The following ADGRL2 variants were observed in gnomAD, a reference collection of about 807,000 sequenced individuals.
ADGRL2 encodes calcium-independent alpha-latrotoxin receptor 2.
ADGRL2 carries 44 observed loss-of-function variants against 157.4 expected under a neutral mutation model. The observed-to-expected ratio is 0.28, with a 90% confidence interval of 0.22 to 0.36. The LOEUF (loss-of-function observed/expected upper bound fraction) is 0.36, where lower values mean the gene tolerates loss of function less well. Ranked by LOEUF, ADGRL2 falls within the 10% of genes least tolerant of loss-of-function variation. The pLI is 1.00. For missense variants in ADGRL2, 1,510 were observed against 1,768.9 expected, an observed-to-expected ratio of 0.85 and a Z score of 2.63; for synonymous variants, 585 against 624.7, an observed-to-expected ratio of 0.94 and a Z score of 0.95.
At chr1:81,594,390 A>G (rs2081191596) in intron 3 of ADGRL2, among the ~76,000 whole-genome samples, 1 of 152,246 alleles carries the variant, frequency 6.6e-6, no homozygotes, top group Non-Finnish European at 1.5e-5. Flanking sequence ...TTCATCAAAC[A>G]TTAACTAAGA....
At chr1:81,856,520 G>T (rs1313191586) in intron 2 of ADGRL2, among the ~76,000 whole-genome samples, 1 of 152,072 alleles carries the variant, frequency 6.6e-6, no homozygotes, top group Non-Finnish European at 1.5e-5. Context: ...CTGTCAGGCT[G>T]GCTTTGCCCC....
chr1:81,407,623 C>T (rs970743043), intron 1 of ADGRL2, among the ~76,000 whole-genome samples: 13 of 152,188 alleles, frequency 8.5e-5, no homozygotes, highest in Non-Finnish European at 1.9e-4. Flanking sequence ...CAATTGTAAA[C>T]ATAGGAGAGA....
intron 3 of ADGRL2, among the ~76,000 whole-genome samples, chr1:81,920,584 G>A (rs1166875768): frequency 6.6e-6 from 1 of 152,098 alleles, no homozygotes; most frequent in African/African-American, 2.4e-5. Context: ...CTTCATCTTT[G>A]CTTCATTTCA....
intron 1 of ADGRL2, among the ~76,000 whole-genome samples, chr1:81,362,484 T>C (rs186326546): frequency 3.7e-4 from 56 of 152,048 alleles, no homozygotes; most frequent in African/African-American, 1.3e-3. Flanking sequence ...CCTTCTATCA[T>C]TATGCTAATT....
chr1:81,530,908 C>G (rs570176459), intron 2 of ADGRL2, among the ~76,000 whole-genome samples: 39 of 151,948 alleles, frequency 2.6e-4, no homozygotes, highest in African/African-American at 9.4e-4. Context: ...TATGGTGAAA[C>G]TCCATCTCTA....
chr1:81,890,408 T>C (rs2094230014), intron 2 of ADGRL2, among the ~76,000 whole-genome samples: 1 of 152,192 alleles, frequency 6.6e-6, no homozygotes, highest in Non-Finnish European at 1.5e-5. Context: ...TTGTTTCTTT[T>C]ATAGAAAATT....
chr1:81,673,027 C>G (rs2082907296), intron 3 of ADGRL2, among the ~76,000 whole-genome samples: 1 of 152,138 alleles, frequency 6.6e-6, no homozygotes, highest in African/African-American at 2.4e-5. Context: ...TGGATTGAAA[C>G]CTTTAGGAAG....
chr1:81,733,371 G>A (rs2084789325), intron 1 of ADGRL2, among the ~76,000 whole-genome samples: 1 of 152,254 alleles, frequency 6.6e-6, no homozygotes, highest in Non-Finnish European at 1.5e-5. Context: ...CTAGAAGTCT[G>A]AGACCAAGGT....
intron 2 of ADGRL2, among the ~76,000 whole-genome samples, chr1:81,574,116 A>C (rs2080749935): frequency 6.6e-6 from 1 of 151,942 alleles, no homozygotes; most frequent in South Asian, 2.1e-4. Context: ...CCTAAAAATG[A>C]ATTTTTTTTT....
chr1:81,463,193 T>G (rs2077978083), intron 2 of ADGRL2, among the ~76,000 whole-genome samples: 1 of 150,862 alleles, frequency 6.6e-6, no homozygotes, highest in Non-Finnish European at 1.5e-5. Flanking sequence ...ATGGTCATGG[T>G]CTTCAAATGT....
intron 3 of ADGRL2, among the ~76,000 whole-genome samples, chr1:81,921,666 C>T (rs955034599): frequency 6.6e-6 from 1 of 152,190 alleles, no homozygotes; most frequent in South Asian, 2.1e-4. Context: ...AGACAAGTTA[C>T]TGATATGAAG....
intron 3 of ADGRL2, among the ~76,000 whole-genome samples, chr1:81,659,183 T>C (rs2082601519): frequency 1.3e-5 from 2 of 150,788 alleles, no homozygotes; most frequent in Non-Finnish European, 2.9e-5. Flanking sequence ...TGTCTCAGCT[T>C]CCCAAGTAAG....
At chr1:81,721,359 T>C (rs2084311857) in intron 1 of ADGRL2, among the ~76,000 whole-genome samples, 1 of 152,190 alleles carries the variant, frequency 6.6e-6, no homozygotes, top group Non-Finnish European at 1.5e-5. Flanking sequence ...TCATTCACTT[T>C]CAATTATGTA....
chr1:81,435,139 T>G (rs1289374546), intron 1 of ADGRL2, among the ~76,000 whole-genome samples: 3 of 152,164 alleles, frequency 2.0e-5, no homozygotes, highest in Admixed American at 6.5e-5. Flanking sequence ...CCAAACACAT[T>G]AAAAAATATT....
chr1:81,567,269 A>G (rs138506093), intron 2 of ADGRL2, among the ~76,000 whole-genome samples: 1 of 152,252 alleles, frequency 6.6e-6, no homozygotes, highest in East Asian at 1.9e-4. Flanking sequence ...AGCAAAATTT[A>G]AAATTCAATA....
intron 3 of ADGRL2, among the ~76,000 whole-genome samples, chr1:81,930,892 G>T (rs2095215923): frequency 6.6e-6 from 1 of 152,136 alleles, no homozygotes; most frequent in Non-Finnish European, 1.5e-5. Flanking sequence ...TGCACTTTGG[G>T]AGGCCAAGGC....
At chr1:81,365,202 G>A (rs1029742944) in intron 1 of ADGRL2, among the ~76,000 whole-genome samples, 4 of 152,142 alleles carry the variant, frequency 2.6e-5, no homozygotes, top group African/African-American at 9.7e-5. Context: ...CAGTCCAACA[G>A]AGTTAAGCCA....
intron 3 of ADGRL2, among the ~76,000 whole-genome samples, chr1:81,914,946 T>C (rs184436480): frequency 1.4e-4 from 21 of 152,340 alleles, no homozygotes; most frequent in African/African-American, 3.8e-4. Context: ...ATGAAACTTA[T>C]TAAACATTCA....
At chr1:81,707,060 T>G (rs2083760369) in intron 1 of ADGRL2, among the ~76,000 whole-genome samples, 1 of 152,150 alleles carries the variant, frequency 6.6e-6, no homozygotes. Flanking sequence ...GTAGTACAAA[T>G]TTAACTTGGT....
Sources: gnomAD v4.1 joint callset for allele counts (sites outside exome capture counted in the v4.1 genomes callset) on GRCh38, gnomAD v4.1.1 for gene constraint, MANE v1.5 for transcripts, NCBI Gene and HGNC (gene_info 2026-07-23, HGNC 2026-07-21) for gene names.